Variants in OPCML observed in about 807,000 individuals in gnomAD.
OPCML encodes the protein opioid binding protein/cell adhesion molecule like.
In OPCML, 13 loss-of-function variants were observed where a neutral mutation model predicts 37.8. The ratio of observed to expected loss-of-function variants is 0.34; its 90% CI spans 0.22 to 0.55. The LOEUF (loss-of-function observed/expected upper bound fraction) is 0.55, where lower values mean the gene tolerates loss of function less well. OPCML is among the 20% of genes least tolerant of loss of function. The pLI is 0.91. For synonymous variants in OPCML, 176 were observed against 168.8 expected (o/e 1.04, Z -0.33); for missense variants, 341 against 435.6 (o/e 0.78, Z 1.93).
Position 132,860,461 on chromosome 11 carries a change from A to G in OPCML, c.146+82465T>C, listed in dbSNP as rs539934724. The G allele has an allele frequency of 3.3e-5, 5 of 152,318 alleles. No individual in the cohort carries two copies. The East Asian group carries it at 9.7e-4, about 29-fold the overall frequency. The allele number at this position is 152,318 out of a possible 1,614,324, so 9.4% of individuals were successfully genotyped here. ...AGTCATTATAGAGAGGGAAAATATG[A>G]TAACCTTATTAAATTACCTGCCTTT... On this transcript the variant is annotated intron_variant, in intron 2 of 7. Transcript: ENST00000524381.
At chr11:132,843,223 T>G (rs1042546263) in intron 2 of OPCML, among the ~76,000 whole-genome samples, 1 of 151,800 alleles carries the variant, frequency 6.6e-6, no homozygotes, top group Admixed American at 6.6e-5. Context: ...GCCTCCTGAG[T>G]AGCTGGGATT....
chr11:132,824,470 T>G (rs1033712657), intron 2 of OPCML, among the ~76,000 whole-genome samples: 1 of 152,164 alleles, frequency 6.6e-6, no homozygotes, highest in Non-Finnish European at 1.5e-5. Context: ...ACTGTGTTCA[T>G]CCTCACTTTT....
At chr11:133,357,540 A>G (rs147779509) in intron 1 of OPCML, among the ~76,000 whole-genome samples, 131 of 152,304 alleles carry the variant, frequency 8.6e-4, no homozygotes, top group African/African-American at 2.9e-3. Flanking sequence ...TCAGAGTACC[A>G]TCTTATCACT....
rs139263567 is a variant in OPCML, at chr11:132,525,370, G to T, written c.505+3691C>A. Among the ~76,000 whole-genome samples the T allele has an allele frequency of 5.5e-3, 837 of 152,142 alleles. 9 individuals are homozygous for T. The highest frequency in any genetic ancestry group is 0.019 in the African/African-American group (794 of 41,504). ...CATTAAAATATTTTTCTTAAATGAAGGCTGATTTACTTGTCCCTGTTTATA... is the reference window on the plus strand; with the variant it reads ...CATTAAAATATTTTTCTTAAATGAATGCTGATTTACTTGTCCCTGTTTATA... On this transcript the variant is annotated intron_variant, in intron 4 of 7. Coordinates refer to ENST00000524381, the MANE Select transcript of OPCML (RefSeq NM_001012393.5).
chr11:133,088,313 T>A (rs1433686757), intron 1 of OPCML, among the ~76,000 whole-genome samples: 1 of 152,246 alleles, frequency 6.6e-6, no homozygotes, highest in Non-Finnish European at 1.5e-5. Flanking sequence ...CCTTTGCCTC[T>A]AACTTAGTTA....
chr11:133,237,271 G>T (rs1940555478), intron 1 of OPCML, among the ~76,000 whole-genome samples: 1 of 152,174 alleles, frequency 6.6e-6, no homozygotes, highest in Admixed American at 6.5e-5. Flanking sequence ...TGTACACCCT[G>T]GGGTGGGGGG....
At chr11:133,528,674 A>G (rs983985906) in intron 1 of OPCML, among the ~76,000 whole-genome samples, 1 of 152,196 alleles carries the variant, frequency 6.6e-6, no homozygotes. Flanking sequence ...GGGATTTTCT[A>G]TCCAAGCCCA....
At chr11:132,918,186 T>A (rs1944669092) in intron 2 of OPCML, among the ~76,000 whole-genome samples, 1 of 152,238 alleles carries the variant, frequency 6.6e-6, no homozygotes, top group South Asian at 2.1e-4. Context: ...CGTTTTAAAC[T>A]GTTTTTGTAT....
chr11:132,885,071 C>A (rs1943359469), intron 2 of OPCML, among the ~76,000 whole-genome samples: 1 of 152,218 alleles, frequency 6.6e-6, no homozygotes, highest in African/African-American at 2.4e-5. Context: ...ACTCCCTCTT[C>A]CACCATAACA....
At chr11:132,804,679 C>A (rs1001415334) in intron 2 of OPCML, among the ~76,000 whole-genome samples, 1 of 152,168 alleles carries the variant, frequency 6.6e-6, no homozygotes, top group South Asian at 2.1e-4. Flanking sequence ...TAAACTCTCT[C>A]TAGAAAAGCC....
chr11:133,285,175 G>A (rs1195464658), intron 1 of OPCML, among the ~76,000 whole-genome samples: 2 of 152,160 alleles, frequency 1.3e-5, no homozygotes, highest in African/African-American at 2.4e-5. Flanking sequence ...AGTCAAGCAA[G>A]GTGTGTTTGT....
At chr11:133,092,206 A>G (rs1030484393) in intron 1 of OPCML, among the ~76,000 whole-genome samples, 25 of 151,994 alleles carry the variant, frequency 1.6e-4, no homozygotes, top group African/African-American at 5.8e-4. Flanking sequence ...CCAGACACCA[A>G]CCTCTCGGCA....
intron 1 of OPCML, among the ~76,000 whole-genome samples, chr11:133,134,341 T>G (rs101259): frequency 0.25 from 38,756 of 152,002 alleles, 5,688 homozygotes; most frequent in East Asian, 0.55. Context: ...GAAATCCACA[T>G]AGAATAATAG....
chr11:133,005,548 CAT>C, intron 1 of OPCML: 3 of 985,200 alleles, frequency 3.0e-6, no homozygotes, highest in Non-Finnish European at 3.6e-6. Flanking sequence ...ATAGCTAAGA[CAT>C]ATTTTTGAAA....
intron 2 of OPCML, among the ~76,000 whole-genome samples, chr11:132,921,976 T>C (rs186093956): frequency 0.017 from 2,518 of 151,760 alleles, 60 homozygotes; most frequent in African/African-American, 0.057. Flanking sequence ...GCCTCGCAGG[T>C]TCAAGCGATT....
At chr11:132,808,608 G>A (rs1939153917) in intron 2 of OPCML, among the ~76,000 whole-genome samples, 1 of 152,186 alleles carries the variant, frequency 6.6e-6, no homozygotes. Context: ...TTCCTAGTTA[G>A]TGTAAATGAA....
At chr11:133,523,074 CCA>C (rs974821809) in intron 1 of OPCML, among the ~76,000 whole-genome samples, 3 of 152,054 alleles carry the variant, frequency 2.0e-5, no homozygotes, top group South Asian at 2.1e-4. Context: ...GAGGAAACAA[CCA>C]CAGACAGAAT....
intron 3 of OPCML, among the ~76,000 whole-genome samples, chr11:132,555,325 C>T (rs559592998): frequency 2.0e-4 from 30 of 152,084 alleles, no homozygotes; most frequent in South Asian, 1.5e-3. Context: ...ACATCTTACA[C>T]GGCAGCAGGT....
intron 2 of OPCML, among the ~76,000 whole-genome samples, chr11:132,867,683 G>A (rs1281381505): frequency 6.6e-6 from 1 of 152,166 alleles, no homozygotes; most frequent in Non-Finnish European, 1.5e-5. Flanking sequence ...TTCTGGGTTA[G>A]GAATGGAAAC....
Sources: allele counts gnomAD v4.1 joint callset (sites outside exome capture counted in the v4.1 genomes callset), GRCh38; gene constraint gnomAD v4.1.1; transcripts MANE v1.5; gene names NCBI Gene and HGNC (gene_info 2026-07-23, HGNC 2026-07-21).